Variants in GALNTL6 observed in about 807,000 individuals in gnomAD.
GALNTL6 encodes polypeptide N-acetylgalactosaminyltransferase-like 6.
In GALNTL6, 46 loss-of-function variants were observed where a neutral mutation model predicts 73.7. The observed-to-expected ratio is 0.62, with a 90% confidence interval of 0.49 to 0.80. GALNTL6 has a LOEUF of 0.80. Among genes scored for constraint, GALNTL6 ranks in the 30% least tolerant of loss-of-function variants. The pLI is 0.00. For missense variants in GALNTL6, 604 were observed against 755.0 expected, an observed-to-expected ratio of 0.80 and a Z score of 2.34; for synonymous variants, 259 against 263.7, an observed-to-expected ratio of 0.98 and a Z score of 0.17.
intron 2 of GALNTL6, among the ~76,000 whole-genome samples, chr4:172,203,998 A>T (rs891403206): frequency 6.6e-6 from 1 of 152,094 alleles, no homozygotes; most frequent in Non-Finnish European, 1.5e-5. Context: ...TGCCCACCTC[A>T]ACCTCCCAAA....
chr4:172,137,673 G>A (rs1010606779), intron 2 of GALNTL6, among the ~76,000 whole-genome samples: 1 of 152,092 alleles, frequency 6.6e-6, no homozygotes, highest in African/African-American at 2.4e-5. Context: ...ACAGATGAAG[G>A]GTAGGTAAGA....
At chr4:171,846,198 A>G (rs1735363915) in intron 2 of GALNTL6, among the ~76,000 whole-genome samples, 1 of 152,124 alleles carries the variant, frequency 6.6e-6, no homozygotes. Context: ...TTATTTGCAA[A>G]TTCCAAATTA....
chr4:172,505,704 A>G lies in GALNTL6; in HGVS notation c.553+157015A>G, dbSNP rs1359180451. On this transcript the variant is annotated intron_variant, in intron 5 of 12. Coordinates refer to ENST00000506823, the MANE Select transcript of GALNTL6 (RefSeq NM_001034845.3). ...CCTCTAATCCAGAATTAGAGTCCCTATACACACTGACTATATTTCAGTATA... is the reference window on the plus strand; with the variant it reads ...CCTCTAATCCAGAATTAGAGTCCCTGTACACACTGACTATATTTCAGTATA... 3.7e-4 allele frequency among the ~76,000 whole-genome samples: 20 copies of G among 53,928 alleles called. 7 individuals are homozygous for G. The highest frequency in any genetic ancestry group is 8.0e-4 in the Admixed American group (3 of 3,744). 35.4% of individuals were successfully genotyped at this position (53,928 alleles called of 152,430 possible).
intron 5 of GALNTL6, among the ~76,000 whole-genome samples, chr4:172,697,455 T>C (rs1022812240): frequency 6.6e-6 from 1 of 152,242 alleles, no homozygotes; most frequent in African/African-American, 2.4e-5. Context: ...CAGTTGAGTA[T>C]GTTAAAGTAA....
chr4:172,347,939 T>C (rs1741807085), intron 4 of GALNTL6, among the ~76,000 whole-genome samples: 1 of 152,180 alleles, frequency 6.6e-6, no homozygotes, highest in African/African-American at 2.4e-5. Flanking sequence ...GGGACTATGA[T>C]AACATCTTGA....
chr4:172,493,865 T>G (rs982086868), intron 5 of GALNTL6, among the ~76,000 whole-genome samples: 1 of 152,192 alleles, frequency 6.6e-6, no homozygotes, highest in African/African-American at 2.4e-5. Flanking sequence ...TAAAGCCTTG[T>G]TTCCTCATAC....
intron 5 of GALNTL6, among the ~76,000 whole-genome samples, chr4:172,737,084 C>T (rs1264793059): frequency 6.6e-6 from 1 of 152,136 alleles, no homozygotes; most frequent in Non-Finnish European, 1.5e-5. Flanking sequence ...AGGACTAATA[C>T]TGTATTCTTA....
chr4:172,361,630 AT>A (rs1185745882), intron 5 of GALNTL6, among the ~76,000 whole-genome samples: 1 of 152,130 alleles, frequency 6.6e-6, no homozygotes, highest in African/African-American at 2.4e-5. Flanking sequence ...TATTCTATTC[AT>A]TTTCAATGTC....
intron 2 of GALNTL6, among the ~76,000 whole-genome samples, chr4:171,968,106 T>C (rs1739443790): frequency 6.6e-6 from 1 of 152,318 alleles, no homozygotes; most frequent in South Asian, 2.1e-4. Flanking sequence ...CTGCCTGTTA[T>C]CTTCCCTCTC....
intron 5 of GALNTL6, among the ~76,000 whole-genome samples, chr4:172,594,178 C>G (rs1560826264): frequency 6.6e-6 from 1 of 151,934 alleles, no homozygotes; most frequent in Non-Finnish European, 1.5e-5. Context: ...AACCCCATCT[C>G]TACTAAAAAT....
At position 172,710,562 on chromosome 4, in the gene GALNTL6, A is replaced by T. The variant is rs561121326; in HGVS notation, c.554-98799A>T. Among the ~76,000 whole-genome samples the T allele has an allele frequency of 5.3e-5, 8 of 152,084 alleles. 1 individual carries two copies. The South Asian group carries it at 1.7e-3, about 32-fold the overall frequency. On this transcript the variant is annotated intron_variant, in intron 5 of 12. Transcript: ENST00000506823. ...GGAAACCTCAAGCTATTTTAACTCG[A>T]TCAGTTAAAATTATCCAACTATGTC...
chr4:172,081,644 A>G (rs1210071824), intron 2 of GALNTL6, among the ~76,000 whole-genome samples: 1 of 152,186 alleles, frequency 6.6e-6, no homozygotes, highest in Non-Finnish European at 1.5e-5. Flanking sequence ...TTCAAAAATA[A>G]TAACAAATTT....
chr4:172,986,075 C>G (rs774922396), intron 10 of GALNTL6, among the ~76,000 whole-genome samples: 7 of 152,182 alleles, frequency 4.6e-5, no homozygotes, highest in Non-Finnish European at 7.3e-5. Context: ...CTACCCCCAG[C>G]AATGGACAAA....
intron 9 of GALNTL6, 134 bp from the exon 10 acceptor site, chr4:172,951,903 T>C (rs1294819405): frequency 1.6e-6 from 1 of 644,962 alleles, no homozygotes; most frequent in African/African-American, 1.8e-5. Context: ...CTCTCATTGT[T>C]CATAAACCAC....
intron 2 of GALNTL6, among the ~76,000 whole-genome samples, chr4:172,192,094 A>T (rs1735606918): frequency 6.6e-6 from 1 of 152,094 alleles, no homozygotes; most frequent in Admixed American, 6.5e-5. Context: ...AATTGAAAAT[A>T]TTTGCAAATT....
At chr4:172,615,869 TCAGA>T (rs1738707748) in intron 5 of GALNTL6, among the ~76,000 whole-genome samples, 1 of 152,214 alleles carries the variant, frequency 6.6e-6, no homozygotes. Flanking sequence ...TTTAGTAAGA[TCAGA>T]CAATTTCTGA....
In GALNTL6 at chr4:172,421,814, G is replaced by A. The variant is rs1011061595; in HGVS notation, c.553+73125G>A. On this transcript the variant is annotated intron_variant, in intron 5 of 12. Transcript: ENST00000506823. ...AGGAGAGAGCTATATTGTCTCCCAT[G>A]GCTCCTGAATATTTGCCCCCAGACA... is the stretch of plus-strand genomic sequence containing the variant. Among the ~76,000 whole-genome samples, 3 of 151,950 alleles carry A rather than the reference G, an allele frequency of 2.0e-5. No individual in the cohort carries two copies. In the South Asian group the frequency reaches 6.2e-4, roughly 31 times the overall value.
chr4:172,442,505 TA>T (rs1300599703), intron 5 of GALNTL6, among the ~76,000 whole-genome samples: 1 of 152,198 alleles, frequency 6.6e-6, no homozygotes, highest in Non-Finnish European at 1.5e-5. Flanking sequence ...ATCTGTATGT[TA>T]GATAAATTTT....
chr4:171,890,665 G>T (rs926522626), intron 2 of GALNTL6, among the ~76,000 whole-genome samples: 55 of 152,100 alleles, frequency 3.6e-4, no homozygotes, highest in Admixed American at 1.2e-3. Context: ...CATTATACTT[G>T]TAGTTACTTC....
Sources: allele counts gnomAD v4.1 joint callset (sites outside exome capture counted in the v4.1 genomes callset), GRCh38; gene constraint gnomAD v4.1.1; transcripts MANE v1.5; gene names NCBI Gene and HGNC (gene_info 2026-07-23, HGNC 2026-07-21).